The following NLRP12 variants were observed in gnomAD, a reference collection of about 807,000 sequenced individuals.
The protein encoded by NLRP12 is NACHT, LRR and PYD domains-containing protein 12.
A neutral mutation model predicts 91.2 loss-of-function variants in NLRP12; 108 were observed. That is an observed-to-expected ratio of 1.18 (90% CI 1.01 to 1.39). The LOEUF is 1.39. NLRP12 is among the 40% of genes most tolerant of loss of function. NLRP12 has a pLI of 0.00. For missense variants in NLRP12, 1,530 were observed against 1,352.7 expected (o/e 1.13, Z -2.06); for synonymous variants, 613 against 566.7 (o/e 1.08, Z -1.16).
At position 53,807,290 on chromosome 19, in the gene NLRP12, A is replaced by T. The variant is rs546984179; in HGVS notation, c.2243+205T>A. 2.6e-5 allele frequency among the ~76,000 whole-genome samples: 4 copies of T among 151,986 alleles called. No individual in the cohort carries two copies. The South Asian group carries it at 8.3e-4, about 32-fold the overall frequency. On this transcript the variant is annotated intron_variant, in intron 4 of 9. Coordinates refer to ENST00000324134, the MANE Select transcript of NLRP12 (RefSeq NM_144687.4). ...GCCATGTTGGCCAGGCTGGTCTCAA[A>T]CTCCTGACCTCAAGTGATCTGCCCG...
chr19:53,812,236 C>T (rs2092087879), intron 2 of NLRP12, among the ~76,000 whole-genome samples: 1 of 151,596 alleles, frequency 6.6e-6, no homozygotes, highest in Non-Finnish European at 1.5e-5. Context: ...CCGCAAAATG[C>T]TGAGATTACA....
rs1373495227 is a variant in NLRP12 at position 53,814,947 on chromosome 19, T to C, written c.331A>G (p.Thr111Ala). Residue 111 changes from threonine to alanine, a missense_variant, in exon 2 of 10, where the codon ACA becomes GCA. Coordinates refer to ENST00000324134, the MANE Select transcript of NLRP12 (RefSeq NM_144687.4). ...GGPSSLGNQS[T>A]CLLEVSLVTP... ...ACAAGAGAGACTTCCAGAAGGCATG[T>C]TGACTGGTTCCCAAGTGAGGACGGG... 7.4e-6 allele frequency: 12 copies of C among 1,613,946 alleles called. No homozygotes were observed. The highest frequency in any genetic ancestry group is 1.7e-5 in the Admixed American group (1 of 59,954).
rs2092070139 is a variant in NLRP12 at position 53,811,226 on chromosome 19, C to A, written c.433G>T (p.Ala145Ser). Residue 145 changes from alanine to serine, a missense_variant, in exon 3 of 10, where the codon GCG becomes TCG. Transcript: ENST00000324134. ...RKFRLMEDRN[A>S]RLGECVNLSH... The stretch of plus-strand genomic sequence containing the variant: ...AGGTTGACACATTCCCCTAGGCGCG[C>A]ATTGCGGTCTTCCATGAGCCGGAAT... 6.2e-7 allele frequency: 1 copy of A among 1,614,122 alleles called. No individual in the cohort carries two copies. Among genetic ancestry groups the A allele is most frequent in the Non-Finnish European group, 8.5e-7 (1 of 1,180,036 alleles).
rs202105388 is a variant in NLRP12 at position 53,814,906 on chromosome 19, A to C, written c.370+2T>G. ...CATGTAGGTACATGGCTTGAGGCTCACCTTTTCTTGGAGTGACAAGAGAGA... is the reference window on the plus strand; with the variant it reads ...CATGTAGGTACATGGCTTGAGGCTCCCCTTTTCTTGGAGTGACAAGAGAGA... On this transcript the variant is annotated splice_donor_variant, in intron 2 of 9. Transcript: ENST00000324134. LOFTEE classifies it high-confidence loss of function. 14 of 1,613,212 alleles carry C rather than the reference A, an allele frequency of 8.7e-6. No individual in the cohort carries two copies. The highest frequency in any genetic ancestry group is 1.2e-5 in the Non-Finnish European group (14 of 1,179,410).
At chr19:53,806,880 T>TA (rs912617354) in intron 4 of NLRP12, among the ~76,000 whole-genome samples, 7 of 129,558 alleles carry the variant, frequency 5.4e-5, no homozygotes, top group Non-Finnish European at 8.3e-5. Flanking sequence ...AAAAAAAAAG[T>TA]AAAAAAAAGA....
intron 1 of NLRP12, among the ~76,000 whole-genome samples, chr19:53,817,461 C>T (rs147442975): frequency 1.3e-5 from 2 of 151,198 alleles, no homozygotes; most frequent in Admixed American, 6.6e-5. Context: ...GGAGGCTGGG[C>T]GCGGTGGCTC....
At position 53,814,879 on chromosome 19, in the gene NLRP12, T is replaced by C. The variant is rs960664443; in HGVS notation, c.370+29A>G. On this transcript the variant is annotated intron_variant, in intron 2 of 9. Coordinates refer to ENST00000324134, the MANE Select transcript of NLRP12 (RefSeq NM_144687.4). ...GGGTCAGCTGCTCTGTGTAGATGAA[T>C]ACATGTAGGTACATGGCTTGAGGCT... is the stretch of plus-strand genomic sequence containing the variant. 5.1e-6 allele frequency: 8 copies of C among 1,579,880 alleles called. No homozygotes were observed. In the East Asian group the frequency reaches 6.7e-5, roughly 13 times the overall value.
chr19:53,795,377 G>C (rs2091734862), intron 9 of NLRP12, among the ~76,000 whole-genome samples: 1 of 109,124 alleles, frequency 9.2e-6, no homozygotes, highest in Non-Finnish European at 1.9e-5. Context: ...AACAGACAAG[G>C]AAATTTTTTT....
intron 5 of NLRP12, 102 bp from the exon 6 acceptor site, chr19:53,804,224 G>T (rs2091919340): frequency 2.3e-6 from 3 of 1,328,228 alleles, no homozygotes; most frequent in East Asian, 2.5e-5. Context: ...ACAGGTTGTT[G>T]CTCTGTCACC....
chr19:53,814,844 A>G, intron 2 of NLRP12, 64 bp downstream of exon 2: 1 of 1,374,728 alleles, frequency 7.3e-7, no homozygotes, highest in Non-Finnish European at 1.0e-6. Context: ...TGGTTGGCCT[A>G]CACTCCGTGG....
chr19:53,796,482 C>T (rs1225212353), intron 8 of NLRP12, among the ~76,000 whole-genome samples: 2 of 151,630 alleles, frequency 1.3e-5, no homozygotes, highest in African/African-American at 2.4e-5. Context: ...CTCTTGACCT[C>T]GTGATCCGCC....
chr19:53,819,430 TATATATA>T lies in NLRP12; in HGVS notation c.289+4449_290-4443del, dbSNP rs1462362794. 1.4e-4 allele frequency among the ~76,000 whole-genome samples: 3 copies of T among 21,936 alleles called. 1 individual carries two copies. Among genetic ancestry groups the T allele is most frequent in the African/African-American group, 4.5e-4 (3 of 6,702 alleles). The allele number at this position is 21,936 out of a possible 152,430, so 14.4% of individuals were successfully genotyped here. ...TGGCTAATATATATATATATATATATATATATATATATATATATATATATATATGTGT... is the reference window on the plus strand; with the variant it reads ...TGGCTAATATATATATATATATATATTATATATATATATATATATATGTGT... On this transcript the variant is annotated intron_variant, in intron 1 of 9. Transcript: ENST00000324134.
intron 1 of NLRP12, among the ~76,000 whole-genome samples, chr19:53,823,104 T>TACACACACATATATAC (rs2092282986): frequency 7.1e-6 from 1 of 141,190 alleles, no homozygotes; most frequent in South Asian, 2.2e-4. Flanking sequence ...CACACACATA[T>TACACACACATATATAC]ACACACACAT....
In NLRP12 at chr19:53,810,033, G is replaced by A. The variant is rs753966022; in HGVS notation, c.1626C>T (p.Thr542=). Residue 542 remains threonine (T), a synonymous_variant, in exon 3 of 10, where the codon ACC becomes ACT. Transcript: ENST00000324134. ...AAAACGCGTACTCGGTCAACAGCCT[G>A]GTCACGTCCTGGTCTGGGCCTGCCC... ...EGGAGPDQDV[T]RLLTEYAFSE... 5 of 1,614,144 alleles carry A rather than the reference G, an allele frequency of 3.1e-6. No individual in the cohort carries two copies. The highest frequency in any genetic ancestry group is 1.3e-5 in the African/African-American group (1 of 75,034).
In NLRP12 at chr19:53,804,097, C is replaced by G. The variant is rs149903344; in HGVS notation, c.2440G>C (p.Gly814Arg). 1.2e-6 allele frequency: 2 copies of G among 1,613,988 alleles called. No individual in the cohort carries two copies. The highest frequency in any genetic ancestry group is 1.7e-5 in the Admixed American group (1 of 59,980). The change falls in exon 6 of 10, where the codon GGG becomes CGG. Residue 814 changes from glycine (G) to arginine (R), a missense_variant. Physicochemically the swap from Gly to Arg is moderately radical, Grantham distance 125. Coordinates refer to ENST00000324134, the MANE Select transcript of NLRP12 (RefSeq NM_144687.4). The part of the protein sequence containing the change: ...IQLRKCQLES[G>R]ACQEMASVLG... ...ACAGAAGCCATCTCCTGACAAGCCC[C>G]GGACTCCAGCTGACACTTCCTCAAC...
In NLRP12 at chr19:53,820,912, C is replaced by T. The variant is rs2092255953; in HGVS notation, c.289+2974G>A. On this transcript the variant is annotated intron_variant, in intron 1 of 9. Coordinates refer to ENST00000324134, the MANE Select transcript of NLRP12 (RefSeq NM_144687.4). The stretch of plus-strand genomic sequence containing the variant: ...AACAATTCCACAGCTCAAGTGCCAT[C>T]TCTGCCACTTCAGCAATAGCCTATA... Among the ~76,000 whole-genome samples, 10 of 152,028 alleles carry T rather than the reference C, an allele frequency of 6.6e-5. No individual in the cohort carries two copies. In the South Asian group the frequency reaches 1.9e-3, roughly 28 times the overall value.
chr19:53,794,233 T>G, intron 9 of NLRP12, 97 bp from the exon 10 acceptor site: 1 of 846,400 alleles, frequency 1.2e-6, no homozygotes, highest in Non-Finnish European at 2.0e-6. Flanking sequence ...GTAAGATAAT[T>G]CCATGATCCT....
At chr19:53,822,506 G>C (rs549716795) in intron 1 of NLRP12, among the ~76,000 whole-genome samples, 56 of 151,896 alleles carry the variant, frequency 3.7e-4, no homozygotes, top group Admixed American at 2.0e-4. Context: ...GCTGAGGTGG[G>C]TGGATCACGA....
In NLRP12 at chr19:53,809,711, A is replaced by G. The variant is rs769279292; in HGVS notation, c.1948T>C (p.Ser650Pro). 1.9e-6 allele frequency: 3 copies of G among 1,614,140 alleles called. No homozygotes were observed. The highest frequency in any genetic ancestry group is 8.5e-7 in the Non-Finnish European group (1 of 1,180,020). The stretch of plus-strand genomic sequence containing the variant: ...CTGCAGCGCTTCAGACAGAACGAGG[A>G]GACCATGTGCTCCATCTTGGAGGCA... ...NIASKMEHMV[S>P]SFCLKRCRSA... The change falls in exon 3 of 10, where the codon TCC becomes CCC. Residue 650 changes from serine (S) to proline (P), a missense_variant. Ser to Pro is a moderately conservative substitution (Grantham distance 74, BLOSUM62 -1). Coordinates refer to ENST00000324134, the MANE Select transcript of NLRP12 (RefSeq NM_144687.4).
Sources: gnomAD v4.1 joint callset for allele counts (sites outside exome capture counted in the v4.1 genomes callset) on GRCh38, gnomAD v4.1.1 for gene constraint, MANE v1.5 for transcripts, NCBI Gene and HGNC (gene_info 2026-07-23, HGNC 2026-07-21) for gene names.